MYO10: variants seen among roughly 807,000 people sequenced by gnomAD.
The protein encoded by MYO10 is myosin X.
Under a neutral mutation model 257.3 loss-of-function variants are expected in MYO10, and 133 were observed. The ratio of observed to expected loss-of-function variants is 0.52; its 90% CI spans 0.45 to 0.60. The LOEUF (loss-of-function observed/expected upper bound fraction) is 0.60, where lower values mean the gene tolerates loss of function less well. Ranked by LOEUF, MYO10 falls within the 20% of genes least tolerant of loss-of-function variation. MYO10 has a pLI of 0.00. For missense variants in MYO10, 2,399 were observed against 2,635.7 expected, an observed-to-expected ratio of 0.91 and a Z score of 1.97; for synonymous variants, 1,104 against 1,028.6, an observed-to-expected ratio of 1.07 and a Z score of -1.40.
At chr5:16,728,902 G>A (rs1052313342) in intron 19 of MYO10, among the ~76,000 whole-genome samples, 1 of 152,292 alleles carries the variant, frequency 6.6e-6, no homozygotes, top group East Asian at 1.9e-4. Flanking sequence ...TGGCTGCATC[G>A]TTTTTACTGT....
At position 16,907,565 on chromosome 5, in the gene MYO10, C is replaced by T. The variant is rs1049904164; in HGVS notation, c.21+28223G>A. Among the ~76,000 whole-genome samples the T allele has an allele frequency of 3.3e-5, 5 of 152,192 alleles. No individual in the cohort carries two copies. The Middle Eastern group carries it at 0.014, about 414-fold the overall frequency. ...AATTTCATCCATCCTGAAATGAGCC[C>T]GGGCACTAACAATGTCCGAAAGGAT... On this transcript the variant is annotated intron_variant, in intron 1 of 40. Coordinates refer to ENST00000513610, the MANE Select transcript of MYO10 (RefSeq NM_012334.3).
intron 28 of MYO10, among the ~76,000 whole-genome samples, chr5:16,687,079 T>C (rs1737286255): frequency 6.6e-6 from 1 of 151,866 alleles, no homozygotes; most frequent in Non-Finnish European, 1.5e-5. Flanking sequence ...TCCAGCACTT[T>C]GGGAGGCCAA....
At chr5:16,694,343 C>T (rs201614072) in intron 27 of MYO10, 28 bp downstream of exon 27, 104 of 1,612,956 alleles carry the variant, frequency 6.4e-5, no homozygotes, top group Middle Eastern at 4.9e-4. Flanking sequence ...AGCAACCCAT[C>T]GGGCCACAGC....
chr5:16,840,444 T>TGAATGAAA (rs111737680), intron 2 of MYO10, among the ~76,000 whole-genome samples: 1,564 of 100,916 alleles, frequency 0.015, 10 homozygotes, highest in African/African-American at 0.024. Context: ...AATGAATGAA[T>TGAATGAAA]GAAAGAAAGA....
At chr5:16,725,872 C>T (rs796523054) in intron 19 of MYO10, among the ~76,000 whole-genome samples, 12 of 151,696 alleles carry the variant, frequency 7.9e-5, no homozygotes, top group African/African-American at 2.9e-4. Flanking sequence ...ACTGCAGCCT[C>T]CACTTCCTGG....
chr5:16,841,291 T>C (rs906912788), intron 2 of MYO10, among the ~76,000 whole-genome samples: 1 of 152,208 alleles, frequency 6.6e-6, no homozygotes, highest in Admixed American at 6.5e-5. Flanking sequence ...CATGGTGTGC[T>C]AGAAGAACTG....
intron 19 of MYO10, among the ~76,000 whole-genome samples, chr5:16,730,384 TG>T (rs1237991251): frequency 2.0e-5 from 3 of 152,094 alleles, no homozygotes; most frequent in Non-Finnish European, 4.4e-5. Flanking sequence ...TGTTGGTAGA[TG>T]GAAGAGGTGC....
In MYO10 at chr5:16,702,966, TTTC is replaced by T. The variant is rs1338914007; in HGVS notation, c.2466_2468del (p.Lys823del). On this transcript the variant is annotated inframe_deletion, in exon 23 of 41. Transcript: ENST00000513610. ...GTTTCTTCTTTTCTTCCTCTTCCTG[TTTC>T]TTCTTTTCTTCTTGCTCCCTTTTCT... 21 of 1,551,862 alleles carry T rather than the reference TTTC, an allele frequency of 1.4e-5. No homozygotes were observed. Among genetic ancestry groups the T allele is most frequent in the Non-Finnish European group, 1.6e-5 (18 of 1,147,066 alleles).
intron 1 of MYO10, among the ~76,000 whole-genome samples, chr5:16,900,789 G>C (rs1745357081): frequency 6.8e-6 from 1 of 147,930 alleles, no homozygotes; most frequent in Admixed American, 6.7e-5. Context: ...GCCCAGGCTG[G>C]AGTGCAATGG....
chr5:16,872,860 C>G (rs1290267712), intron 2 of MYO10, among the ~76,000 whole-genome samples: 1 of 152,148 alleles, frequency 6.6e-6, no homozygotes, highest in Non-Finnish European at 1.5e-5. Flanking sequence ...AAGACTGGCC[C>G]CCATGATTCA....
chr5:16,722,637 T>C (rs1382858548), intron 19 of MYO10, among the ~76,000 whole-genome samples: 1 of 152,234 alleles, frequency 6.6e-6, no homozygotes, highest in Non-Finnish European at 1.5e-5. Flanking sequence ...GACAGCAATA[T>C]GCAAAGATAT....
chr5:16,673,805 C>T lies in MYO10; in HGVS notation c.5049G>A (p.Glu1683=), dbSNP rs1736588479. Residue 1683 remains glutamate, a synonymous_variant, in exon 36 of 41, where the codon GAG becomes GAA. Coordinates refer to ENST00000513610, the MANE Select transcript of MYO10 (RefSeq NM_012334.3). ...CTATTTCATCTCGGGAAGGCACAAA[C>T]TCTCGGCATTTGGTTTTCTTAAGAG... is the stretch of plus-strand genomic sequence containing the variant. ...YESLKKTKCR[E]FVPSRDEIEA... The T allele has an allele frequency of 6.2e-7, 1 of 1,614,012 alleles. No individual in the cohort carries two copies. The highest frequency in any genetic ancestry group is 8.5e-7 in the Non-Finnish European group (1 of 1,179,900).
At chr5:16,812,728 A>G (rs1288204246) in intron 3 of MYO10, among the ~76,000 whole-genome samples, 2 of 152,204 alleles carry the variant, frequency 1.3e-5, no homozygotes, top group Non-Finnish European at 2.9e-5. Flanking sequence ...AAAGGTACAA[A>G]GGTTAAAGTT....
At chr5:16,684,443 G>T (rs1289753079) in intron 29 of MYO10, among the ~76,000 whole-genome samples, 2 of 152,200 alleles carry the variant, frequency 1.3e-5, no homozygotes, top group African/African-American at 4.8e-5. Context: ...GTCTCGCCAT[G>T]TTGGCCAGGC....
At position 16,701,594 on chromosome 5, in the gene MYO10, G is replaced by GCTTCCT. The variant is rs1738078302; in HGVS notation, c.2795_2800dup (p.Glu932_Glu933dup). On this transcript the variant is annotated inframe_insertion, in exon 25 of 41. Transcript: ENST00000513610. This position sits in a 1 kb window ranked among gnomAD's most constrained non-coding sequence, Gnocchi z 8.1. ...GAGGAACTCCTGGGCCGCCCTGCACGCTTCCTCCTCCAGCCTGCGGAGCTC... is the reference window on the plus strand; with the variant it reads ...GAGGAACTCCTGGGCCGCCCTGCACGCTTCCTCTTCCTCCTCCAGCCTGCGGAGCTC... The GCTTCCT allele has an allele frequency of 6.2e-7, 1 of 1,613,400 alleles. No homozygotes were observed. Among genetic ancestry groups the GCTTCCT allele is most frequent in the Non-Finnish European group, 8.5e-7 (1 of 1,179,782 alleles).
intron 2 of MYO10, among the ~76,000 whole-genome samples, chr5:16,855,467 C>T (rs941890939): frequency 2.6e-5 from 4 of 152,152 alleles, no homozygotes; most frequent in Non-Finnish European, 5.9e-5. Context: ...TTTAAATAAA[C>T]TATCTTCAGA....
chr5:16,672,339 C>T (rs1449991467), intron 37 of MYO10, among the ~76,000 whole-genome samples: 1 of 148,472 alleles, frequency 6.7e-6, no homozygotes, highest in Non-Finnish European at 1.5e-5. Context: ...AGACATAACA[C>T]ATAGTTTAAA....
chr5:16,857,161 G>T (rs1486094639), intron 2 of MYO10, among the ~76,000 whole-genome samples: 1 of 152,152 alleles, frequency 6.6e-6, no homozygotes, highest in East Asian at 1.9e-4. Flanking sequence ...ACACAGGCTT[G>T]TCCTCATTTT....
intron 18 of MYO10, among the ~76,000 whole-genome samples, 171 bp from the exon 19 acceptor site, chr5:16,755,079 T>G (rs1159291542): frequency 6.6e-6 from 1 of 152,258 alleles, no homozygotes; most frequent in Admixed American, 6.5e-5. Flanking sequence ...ATAAACATAC[T>G]GAGTCAATGT....
Sources: allele counts gnomAD v4.1 joint callset (sites outside exome capture counted in the v4.1 genomes callset), GRCh38; gene constraint gnomAD v4.1.1; non-coding constraint Gnocchi (gnomAD v3.1); transcripts MANE v1.5; gene names NCBI Gene and HGNC (gene_info 2026-07-23, HGNC 2026-07-21).